RP1: variants seen among roughly 807,000 people sequenced by gnomAD.
The protein encoded by RP1 is RP1 axonemal microtubule associated, also known as oxygen-regulated protein 1.
In RP1, 16 loss-of-function variants were observed where a neutral mutation model predicts 14.8. That is an observed-to-expected ratio of 1.08 (90% CI 0.73 to 1.65). The LOEUF (loss-of-function observed/expected upper bound fraction) is 1.65. RP1 is among the 40% of genes most tolerant of loss of function. RP1 has a pLI of 0.00. For synonymous variants in RP1, 876 were observed against 883.6 expected (o/e 0.99, Z 0.15); for missense variants, 2,631 against 2,535.0 (o/e 1.04, Z -0.81).
Position 54,782,205 on chromosome 8 carries a change from G to T in RP1, c.3452-1342G>T, listed in dbSNP as rs1280418489. Among the ~76,000 whole-genome samples the T allele has an allele frequency of 3.3e-5, 5 of 152,256 alleles. No homozygotes were observed. The East Asian group carries it at 5.8e-4, about 18-fold the overall frequency. On this transcript the variant is annotated intron_variant, in intron 23 of 28. Coordinates refer to the RP1 transcript ENST00000637698. ...CCCACATGAACTGTAGTTCCTGAAAGCTGGCTGGCTGCGGGGTAGAAGTAG... is the reference window on the plus strand; with the variant it reads ...CCCACATGAACTGTAGTTCCTGAAATCTGGCTGGCTGCGGGGTAGAAGTAG...
At chr8:54,803,528 A>G (rs1268127762) in intron 24 of RP1, among the ~76,000 whole-genome samples, 2 of 152,202 alleles carry the variant, frequency 1.3e-5, no homozygotes, top group South Asian at 2.1e-4. Flanking sequence ...TTACACTATC[A>G]TCCTCCAGAT....
At position 54,625,266 on chromosome 8, in the gene RP1, T is replaced by C. The variant is rs749499847; in HGVS notation, c.1384T>C (p.Ser462Pro). Residue 462 changes from serine (S) to proline (P), a missense_variant, in exon 4 of 4, where the codon TCT becomes CCT. Physicochemically the swap from Ser to Pro is moderately conservative, Grantham distance 74. Coordinates refer to ENST00000220676, the MANE Select transcript of RP1 (RefSeq NM_006269.2). ...PGLRRVRQKK[S>P]VIGSVTLVSE... ...ACTAAGAAGAGTGAGACAAAAGAAA[T>C]CTGTGATTGGCAGTGTGACCTTAGT... 6.2e-7 allele frequency: 1 copy of C among 1,614,112 alleles called. No homozygotes were observed. The highest frequency in any genetic ancestry group is 8.5e-7 in the Non-Finnish European group (1 of 1,180,030).
intron 25 of RP1, among the ~76,000 whole-genome samples, chr8:54,841,945 ACC>A (rs1811799294): frequency 6.6e-6 from 1 of 152,208 alleles, no homozygotes. Context: ...TCAAGAAATA[ACC>A]ATCTGAGAAT....
intron 16 of RP1, chr8:54,726,292 A>G (rs1403715278): frequency 2.0e-6 from 3 of 1,486,730 alleles, no homozygotes; most frequent in East Asian, 2.5e-5. Flanking sequence ...GAGTATTCTG[A>G]GAAGAAACAA....
At chr8:54,616,277 A>C (rs1585553645) in intron 1 of RP1, 75 bp downstream of exon 1, 1 of 152,198 alleles carries the variant, frequency 6.6e-6, no homozygotes, top group South Asian at 2.1e-4. Flanking sequence ...TTTCCATGTT[A>C]TACTTAGATT....
At position 54,842,695 on chromosome 8, in the gene RP1, C is replaced by G. The variant is rs192794385; in HGVS notation, c.3835+5026C>G. ...AAATGTCAATCAGATTATGTCATTC[C>G]TTTGCTTACAACCCTCCAAAGATTT... On this transcript the variant is annotated intron_variant, in intron 25 of 28. Coordinates refer to the RP1 transcript ENST00000637698. Among the ~76,000 whole-genome samples the G allele has an allele frequency of 5.9e-5, 9 of 152,288 alleles. No homozygotes were observed. The South Asian group carries it at 1.0e-3, about 18-fold the overall frequency.
At position 54,625,653 on chromosome 8, in the gene RP1, G is replaced by C. The variant is rs1441664225; in HGVS notation, c.1771G>C (p.Gly591Arg). The change falls in exon 4 of 4, where the codon GGT becomes CGT. Residue 591 changes from glycine (G) to arginine (R), a missense_variant. Transcript: ENST00000220676. ...VDCVVLDNKTGIKNFKTYGNT... is the reference protein window; with the variant it reads ...VDCVVLDNKTRIKNFKTYGNT... ...TTGTGTGGTATTGGACAACAAAACT[G>C]GTATCAAGAACTTCAAAACTTATGG... 1.9e-6 allele frequency: 3 copies of C among 1,614,018 alleles called. No individual in the cohort carries two copies. In the East Asian group the frequency reaches 6.7e-5, roughly 36 times the overall value.
At chr8:54,853,834 G>GAGAGAAAGAAAGAGAAAGGA (rs1222656024) in intron 26 of RP1, among the ~76,000 whole-genome samples, 5 of 131,670 alleles carry the variant, frequency 3.8e-5, no homozygotes, top group African/African-American at 1.4e-4. Flanking sequence ...GAAACAAAGA[G>GAGAGAAAGAAAGAGAAAGGA]AGAGAAAGAA....
At chr8:54,673,837 T>A in intron 7 of RP1, 1 of 1,531,020 alleles carries the variant, frequency 6.5e-7, no homozygotes, top group South Asian at 1.2e-5. Context: ...TTATACTTTT[T>A]GATTCGTTAT....
At chr8:54,604,952 G>A (rs1374517320) in intron 1 of RP1, among the ~76,000 whole-genome samples, 3 of 152,060 alleles carry the variant, frequency 2.0e-5, no homozygotes, top group Non-Finnish European at 4.4e-5. Context: ...AGTCTTGCTA[G>A]TGGTCTATCA....
chr8:54,805,690 G>A (rs1366089844), intron 24 of RP1, among the ~76,000 whole-genome samples: 1 of 151,956 alleles, frequency 6.6e-6, no homozygotes, highest in African/African-American at 2.4e-5. Context: ...GCATGCCCAT[G>A]GAGTGGAAAT....
At position 54,823,832 on chromosome 8, in the gene RP1, T is replaced by C. The variant is rs555435804; in HGVS notation, c.3616-13618T>C. Among the ~76,000 whole-genome samples, 75 of 152,322 alleles carry C rather than the reference T, an allele frequency of 4.9e-4. 2 individuals carry two copies. Among genetic ancestry groups the C allele is most frequent in the African/African-American group, 1.6e-3 (66 of 41,584 alleles). ...GATAAATTCCCAGGAATGCAATTGC[T>C]AGGTTGTATGGTAGTGTATTATGGA... is the stretch of plus-strand genomic sequence containing the variant. On this transcript the variant is annotated intron_variant, in intron 24 of 28. Transcript: ENST00000637698.
chr8:54,758,674 T>C (rs968925134), intron 21 of RP1, among the ~76,000 whole-genome samples: 8 of 152,294 alleles, frequency 5.3e-5, no homozygotes, highest in Middle Eastern at 3.4e-3. Context: ...TTACTCTGGA[T>C]GCTACTACAA....
At chr8:54,573,486 G>A (rs2129293898) in intron 1 of RP1, among the ~76,000 whole-genome samples, 1 of 152,314 alleles carries the variant, frequency 6.6e-6, no homozygotes, top group East Asian at 1.9e-4. Flanking sequence ...TAATGCTTGA[G>A]AGGGGCATAG....
At chr8:54,603,114 T>A (rs1015855388) in intron 1 of RP1, among the ~76,000 whole-genome samples, 1 of 152,232 alleles carries the variant, frequency 6.6e-6, no homozygotes, top group South Asian at 2.1e-4. Flanking sequence ...TGCTTGCCCA[T>A]GCCTATGTCC....
At chr8:54,764,464 C>T (rs1444626645) in intron 22 of RP1, among the ~76,000 whole-genome samples, 1 of 152,206 alleles carries the variant, frequency 6.6e-6, no homozygotes, top group Non-Finnish European at 1.5e-5. Context: ...GAGATATTTC[C>T]TGAAGCTACA....
Position 54,625,930 on chromosome 8 carries a change from C to A in RP1, c.2048C>A (p.Ser683Tyr). 6.2e-7 allele frequency: 1 copy of A among 1,613,810 alleles called. No homozygotes were observed. The highest frequency in any genetic ancestry group is 8.5e-7 in the Non-Finnish European group (1 of 1,179,918). Reference protein sequence around the residue: ...KKKSRQQAINSRYQDGQLATK... With the variant: ...KKKSRQQAINYRYQDGQLATK... ...AAATCTCGACAGCAAGCAATAAATT[C>A]CAGGTATCAAGATGGACAGCTTGCA... The change falls in exon 4 of 4, where the codon TCC (serine) becomes TAC (tyrosine). Residue 683 changes from serine (S) to tyrosine (Y), a missense_variant. Coordinates refer to ENST00000220676, the MANE Select transcript of RP1 (RefSeq NM_006269.2).
intron 19 of RP1, among the ~76,000 whole-genome samples, chr8:54,740,760 T>G (rs950045509): frequency 1.3e-5 from 2 of 151,552 alleles, no homozygotes; most frequent in African/African-American, 4.9e-5. Context: ...AAAAAGCTTA[T>G]GGGCCGGGTG....
At chr8:54,564,453 C>T (rs1164239890) in intron 1 of RP1, among the ~76,000 whole-genome samples, 1 of 152,116 alleles carries the variant, frequency 6.6e-6, no homozygotes, top group East Asian at 1.9e-4. Flanking sequence ...AAGTACTGAG[C>T]TCAGAGGGTT....
Sources: gnomAD v4.1 joint callset for allele counts (sites outside exome capture counted in the v4.1 genomes callset) on GRCh38, gnomAD v4.1.1 for gene constraint, MANE v1.5 for transcripts, NCBI Gene and HGNC (gene_info 2026-07-23, HGNC 2026-07-21) for gene names.